PPARGC1A: variants seen among roughly 807,000 people sequenced by gnomAD.
PPARGC1A encodes the protein peroxisome proliferator-activated receptor gamma coactivator 1-alpha.
PPARGC1A carries 25 observed loss-of-function variants against 88.7 expected under a neutral mutation model. The observed-to-expected ratio is 0.28, with a 90% CI of 0.21 to 0.39. The LOEUF is 0.39. PPARGC1A is among the 10% of genes least tolerant of loss of function. The pLI is 1.00. For synonymous variants in PPARGC1A, 363 were observed against 355.6 expected (o/e 1.02, Z -0.24); for missense variants, 880 against 968.7 (o/e 0.91, Z 1.22).
the PPARGC1A span, among the ~76,000 whole-genome samples, chr4:24,272,531 G>A: frequency 9.2e-5 from 14 of 152,174 alleles, no homozygotes; most frequent in African/African-American, 3.4e-4. Context: ...AAAAAATCTT[G>A]TGTGAAATTC....
chr4:24,141,976 T>C, the PPARGC1A span, among the ~76,000 whole-genome samples: 824 of 152,236 alleles, frequency 5.4e-3, 29 homozygotes, highest in East Asian at 0.098. Context: ...CTAAAAATGA[T>C]CACCCATAAA....
At chr4:24,142,703 G>A in the PPARGC1A span, among the ~76,000 whole-genome samples, 5 of 152,012 alleles carry the variant, frequency 3.3e-5, no homozygotes, top group Non-Finnish European at 5.9e-5. Context: ...AAAATGGGGA[G>A]GGGGTGGTCA....
the PPARGC1A span, among the ~76,000 whole-genome samples, chr4:24,331,835 T>C: frequency 7.9e-5 from 12 of 151,832 alleles, no homozygotes; most frequent in Admixed American, 5.9e-4. Context: ...GTTACATAAG[T>C]ATACATGGGC....
At chr4:24,460,811 T>G in the PPARGC1A span, among the ~76,000 whole-genome samples, 2 of 152,182 alleles carry the variant, frequency 1.3e-5, no homozygotes, top group African/African-American at 4.8e-5. Flanking sequence ...CCAGCTCGAG[T>G]GGCTAATTTT....
chr4:23,804,431 A>G (rs1719386362), intron 10 of PPARGC1A, among the ~76,000 whole-genome samples: 1 of 152,008 alleles, frequency 6.6e-6, no homozygotes, highest in Non-Finnish European at 1.5e-5. Flanking sequence ...CTCTTTCTGG[A>G]CTAGTATAAC....
chr4:24,181,650 G>A, the PPARGC1A span, among the ~76,000 whole-genome samples: 1 of 152,160 alleles, frequency 6.6e-6, no homozygotes, highest in African/African-American at 2.4e-5. Flanking sequence ...GACGAGTGAA[G>A]TTAAGAGAAA....
At chr4:23,884,651 T>C (rs1716552775) in intron 2 of PPARGC1A, 101 bp downstream of exon 2, 1 of 1,008,900 alleles carries the variant, frequency 9.9e-7, no homozygotes, top group East Asian at 2.8e-5. Flanking sequence ...CTTTTGATGA[T>C]AGCAAAGTAA....
chr4:24,179,910 A>G, the PPARGC1A span, among the ~76,000 whole-genome samples: 1 of 152,106 alleles, frequency 6.6e-6, no homozygotes, highest in Non-Finnish European at 1.5e-5. Flanking sequence ...ACACAAAAAC[A>G]TGGGATTATT....
chr4:23,793,187 T>C lies in PPARGC1A; in HGVS notation c.*2635A>G, dbSNP rs916974234. The C allele has an allele frequency of 1.3e-5, 2 of 152,578 alleles. No homozygotes were observed. The highest frequency in any genetic ancestry group is 2.9e-5 in the Non-Finnish European group (2 of 68,024). The allele number at this position is 152,578 out of a possible 1,614,324, so 9.5% of individuals were successfully genotyped here. On this transcript the variant is annotated 3_prime_UTR_variant, in exon 13 of 13. Coordinates refer to ENST00000264867, the MANE Select transcript of PPARGC1A (RefSeq NM_013261.5). ...TTGCTCTTAATAGTCTTTTTATTAT[T>C]ATTCTACAACAGAAGATACTCAAAA...
chr4:23,925,558 A>T, the PPARGC1A span, among the ~76,000 whole-genome samples: 1 of 152,218 alleles, frequency 6.6e-6, no homozygotes, highest in Non-Finnish European at 1.5e-5. Context: ...CAAACATTTC[A>T]TAAAAGGATG....
the PPARGC1A span, among the ~76,000 whole-genome samples, chr4:24,262,621 T>C: frequency 3.9e-5 from 6 of 152,184 alleles, no homozygotes; most frequent in African/African-American, 1.4e-4. Flanking sequence ...CCAGACCCCT[T>C]TGGCTATCTG....
upstream of PPARGC1A, among the ~76,000 whole-genome samples, chr4:23,905,943 A>C (rs780454623): frequency 2.0e-5 from 3 of 152,212 alleles, no homozygotes; most frequent in Non-Finnish European, 4.4e-5. Context: ...CCACAGCTTC[A>C]TGTTCAGCAG....
At chr4:24,208,872 C>T in the PPARGC1A span, among the ~76,000 whole-genome samples, 1 of 152,102 alleles carries the variant, frequency 6.6e-6, no homozygotes, top group African/African-American at 2.4e-5. Flanking sequence ...AGAGTGTTTT[C>T]TTCTTTATGC....
At chr4:23,912,103 A>G in the PPARGC1A span, among the ~76,000 whole-genome samples, 1 of 152,214 alleles carries the variant, frequency 6.6e-6, no homozygotes, top group Non-Finnish European at 1.5e-5. Context: ...TTTTTAGAAA[A>G]GGAGAGACAG....
At chr4:24,344,230 T>C in the PPARGC1A span, among the ~76,000 whole-genome samples, 3 of 152,202 alleles carry the variant, frequency 2.0e-5, no homozygotes, top group African/African-American at 4.8e-5. Context: ...GTATCTTTTT[T>C]GAATAATGAC....
At chr4:23,888,641 A>C (rs971648715) in intron 1 of PPARGC1A, among the ~76,000 whole-genome samples, 2 of 152,228 alleles carry the variant, frequency 1.3e-5, no homozygotes, top group Non-Finnish European at 2.9e-5. Flanking sequence ...CGATCTACCA[A>C]GGCAAGGGAG....
chr4:24,072,443 T>C, the PPARGC1A span, among the ~76,000 whole-genome samples: 1 of 151,964 alleles, frequency 6.6e-6, no homozygotes, highest in South Asian at 2.1e-4. Flanking sequence ...TCTGATGCCA[T>C]ATTTTCTATT....
the PPARGC1A span, among the ~76,000 whole-genome samples, chr4:24,300,348 T>TTTTG: frequency 4.6e-5 from 6 of 130,940 alleles, no homozygotes; most frequent in Non-Finnish European, 9.5e-5. Context: ...TTTTTTTTTT[T>TTTTG]TTTTTTTTTT....
chr4:24,182,009 T>C, the PPARGC1A span, among the ~76,000 whole-genome samples: 1 of 152,130 alleles, frequency 6.6e-6, no homozygotes, highest in Non-Finnish European at 1.5e-5. Context: ...TTACTTTAAG[T>C]TCTAGGATAC....
Sources: allele counts gnomAD v4.1 joint callset (sites outside exome capture counted in the v4.1 genomes callset), GRCh38; gene constraint gnomAD v4.1.1; transcripts MANE v1.5; gene names NCBI Gene and HGNC (gene_info 2026-07-23, HGNC 2026-07-21).